Variants in KMT2E observed in about 807,000 individuals in gnomAD.
KMT2E encodes histone reader KMT2E.
Under a neutral mutation model 184.6 loss-of-function variants are expected in KMT2E, and 30 were observed. The observed-to-expected ratio is 0.16, with a 90% CI of 0.12 to 0.22. KMT2E has a LOEUF of 0.22. Ranked by LOEUF, KMT2E falls within the 10% of genes least tolerant of loss-of-function variation. The pLI is 1.00. For missense variants in KMT2E, 2,023 were observed against 2,237.4 expected (o/e 0.90, Z 1.93); for synonymous variants, 815 against 776.5 (o/e 1.05, Z -0.82).
At chr7:105,091,092 ATAATT>A in intron 14 of KMT2E, 119 bp from the exon 15 acceptor site, 1 of 503,658 alleles carries the variant, frequency 2.0e-6, no homozygotes, top group Non-Finnish European at 3.6e-6. Context: ...AATTTCTTAA[ATAATT>A]TAAATAGGCT....
At chr7:105,092,794 T>G (rs371402129) in intron 15 of KMT2E, among the ~76,000 whole-genome samples, 2 of 152,340 alleles carry the variant, frequency 1.3e-5, no homozygotes, top group African/African-American at 2.4e-5. Flanking sequence ...GAAACCAATT[T>G]AGAGTATTAC....
chr7:105,111,130 T>C (rs953559246), intron 26 of KMT2E: 2 of 387,736 alleles, frequency 5.2e-6, no homozygotes, highest in Non-Finnish European at 9.2e-6. Flanking sequence ...TCCACCTCTA[T>C]TCTAGTGGTG....
Position 105,112,395 on chromosome 7 carries a change from C to G in KMT2E, c.4639C>G (p.Pro1547Ala). The stretch of plus-strand genomic sequence containing the variant: ...TCTGAACAGCACGGCACCACCCCCT[C>G]CACCTCCTCCACCTCCTTCTTCGTC... The part of the protein sequence containing the change: ...QSLNSTAPPP[P>A]PPPPPSSSYY... The change falls in exon 27 of 27, where the codon CCA becomes GCA. Residue 1547 changes from proline to alanine, a missense_variant. Physicochemically the swap from Pro to Ala is conservative, Grantham distance 27. Around this residue, in one of 8 missense-constraint regions of KMT2E, gnomAD observed 1,108 missense variants for 1,050.9 expected, o/e 1.05. Coordinates refer to ENST00000311117, the MANE Select transcript of KMT2E (RefSeq NM_182931.3). 1 of 1,612,526 alleles carries G rather than the reference C, an allele frequency of 6.2e-7. No homozygotes were observed. The highest frequency in any genetic ancestry group is 1.1e-5 in the South Asian group (1 of 91,058).
chr7:105,090,971 G>A (rs1052002724), intron 14 of KMT2E, among the ~76,000 whole-genome samples: 5 of 152,116 alleles, frequency 3.3e-5, no homozygotes, highest in Admixed American at 2.6e-4. Flanking sequence ...GTAAGGCCAT[G>A]CTACCATATT....
At chr7:105,042,865 T>G (rs926255665) in intron 3 of KMT2E, among the ~76,000 whole-genome samples, 2 of 152,258 alleles carry the variant, frequency 1.3e-5, no homozygotes, top group Non-Finnish European at 2.9e-5. Flanking sequence ...TTTACACCTA[T>G]TAATATAACA....
chr7:105,110,755 T>C lies in KMT2E; in HGVS notation c.3971-16T>C, dbSNP rs1306459679. On this transcript the variant is annotated splice_polypyrimidine_tract_variant and intron_variant, in intron 25 of 26. Transcript: ENST00000311117. ...GTGTAATTTTATACTTACTATAGGT[T>C]TCTTCTGCTTTATAGACCCTGATCC... 1 of 1,605,596 alleles carries C rather than the reference T, an allele frequency of 6.2e-7. No homozygotes were observed. Among genetic ancestry groups the C allele is most frequent in the Non-Finnish European group, 8.5e-7 (1 of 1,172,314 alleles).
chr7:105,059,742 G>A (rs539439555), intron 3 of KMT2E, among the ~76,000 whole-genome samples: 2 of 152,032 alleles, frequency 1.3e-5, no homozygotes, highest in Non-Finnish European at 1.5e-5. Flanking sequence ...AGCAAAAATT[G>A]TGTAGATATA....
intron 6 of KMT2E, among the ~76,000 whole-genome samples, chr7:105,069,005 G>C (rs961907335): frequency 1.3e-5 from 2 of 152,098 alleles, no homozygotes; most frequent in East Asian, 1.9e-4. Flanking sequence ...ACCTCTTCAA[G>C]CTGGTTATCA....
chr7:105,025,022 C>T (rs1027937317), intron 1 of KMT2E, among the ~76,000 whole-genome samples: 2 of 152,084 alleles, frequency 1.3e-5, no homozygotes, highest in African/African-American at 4.8e-5. Context: ...AGATTAAAAG[C>T]ATGTGTACTT....
At chr7:105,043,497 A>T (rs1314926936) in intron 3 of KMT2E, among the ~76,000 whole-genome samples, 2 of 152,026 alleles carry the variant, frequency 1.3e-5, no homozygotes, top group African/African-American at 2.4e-5. Context: ...CGGCCTCCCA[A>T]AGTGCTGGGA....
Position 105,077,424 on chromosome 7 carries a change from T to A in KMT2E, c.1121T>A (p.Phe374Tyr), listed in dbSNP as rs1302246557. ...GAACAGTTTGAAGCAAATGGGTATTTCTTTAAAAGGTATATTCATTTATTT... is the reference window on the plus strand; with the variant it reads ...GAACAGTTTGAAGCAAATGGGTATTACTTTAAAAGGTATATTCATTTATTT... ...LREQFEANGY[F>Y]FKRPYPFVLF... is the part of the protein sequence containing the mutation. Residue 374 changes from phenylalanine to tyrosine, a missense_variant, in exon 11 of 27, where the codon TTC (phenylalanine) becomes TAC (tyrosine). This residue lies in a region of KMT2E where 68 missense variants were observed against 133.1 expected (regional missense o/e 0.51). Transcript: ENST00000311117. 1 of 1,604,672 alleles carries A rather than the reference T, an allele frequency of 6.2e-7. No homozygotes were observed. Among genetic ancestry groups the A allele is most frequent in the African/African-American group, 1.3e-5 (1 of 74,610 alleles).
At chr7:105,051,485 C>T (rs757692566) in intron 3 of KMT2E, among the ~76,000 whole-genome samples, 3 of 152,110 alleles carry the variant, frequency 2.0e-5, no homozygotes, top group Non-Finnish European at 2.9e-5. Flanking sequence ...GCCCCTGCAT[C>T]ATCTATTTCT....
chr7:105,026,442 A>T (rs1018460676), intron 1 of KMT2E, among the ~76,000 whole-genome samples: 1 of 152,220 alleles, frequency 6.6e-6, no homozygotes, highest in Non-Finnish European at 1.5e-5. Context: ...ATTTAGTGGC[A>T]GATAGTTGAG....
At chr7:105,080,519 G>T (rs573412720) in intron 12 of KMT2E, among the ~76,000 whole-genome samples, 3 of 151,976 alleles carry the variant, frequency 2.0e-5, no homozygotes, top group Non-Finnish European at 2.9e-5. Context: ...ATAGGCATGC[G>T]CTGCTGCACC....
intron 1 of KMT2E, among the ~76,000 whole-genome samples, chr7:105,037,225 A>T (rs1795697950): frequency 6.6e-6 from 1 of 152,158 alleles, no homozygotes; most frequent in African/African-American, 2.4e-5. Flanking sequence ...AATATAATAA[A>T]TGGCTCTTTC....
At chr7:105,082,527 A>G (rs1020512000) in intron 13 of KMT2E, among the ~76,000 whole-genome samples, 20 of 152,300 alleles carry the variant, frequency 1.3e-4, no homozygotes, top group South Asian at 6.2e-4. Context: ...TTTACTGTTC[A>G]TTAAGTGGAA....
intron 15 of KMT2E, among the ~76,000 whole-genome samples, chr7:105,092,319 T>C (rs956720503): frequency 6.6e-6 from 1 of 152,112 alleles, no homozygotes; most frequent in Non-Finnish European, 1.5e-5. Context: ...GAAGAATTGC[T>C]TGAACCTGGG....
At chr7:105,097,055 A>C (rs555820172) in intron 15 of KMT2E, among the ~76,000 whole-genome samples, 56 of 152,314 alleles carry the variant, frequency 3.7e-4, no homozygotes, top group South Asian at 2.1e-3. Context: ...TTTGACCCCC[A>C]CAGAGTGTTA....
chr7:105,048,091 C>G (rs1796181767), intron 3 of KMT2E, among the ~76,000 whole-genome samples: 1 of 152,074 alleles, frequency 6.6e-6, no homozygotes, highest in South Asian at 2.1e-4. Context: ...GACTGGAGTA[C>G]AGTAGTGTGA....
Sources: gnomAD v4.1 joint callset for allele counts (sites outside exome capture counted in the v4.1 genomes callset) on GRCh38, gnomAD v4.1.1 for gene constraint, gnomAD v4.1.1 regional missense constraint, MANE v1.5 for transcripts, NCBI Gene and HGNC (gene_info 2026-07-23, HGNC 2026-07-21) for gene names.